MACROD2: variants seen among roughly 807,000 people sequenced by gnomAD.
MACROD2 encodes ADP-ribose glycohydrolase MACROD2.
In MACROD2, 36 loss-of-function variants were observed where a neutral mutation model predicts 70.4. The observed-to-expected ratio is 0.51, with a 90% confidence interval of 0.39 to 0.68. The LOEUF (loss-of-function observed/expected upper bound fraction) is 0.68. Ranked by LOEUF, MACROD2 falls within the 30% of genes least tolerant of loss-of-function variation. The pLI is 0.00. For synonymous variants in MACROD2, 172 were observed against 178.8 expected, an observed-to-expected ratio of 0.96 and a Z score of 0.30; for missense variants, 496 against 538.4, an observed-to-expected ratio of 0.92 and a Z score of 0.78.
At chr20:15,346,083 C>A (rs969538200) in intron 6 of MACROD2, among the ~76,000 whole-genome samples, 10 of 148,876 alleles carry the variant, frequency 6.7e-5, no homozygotes, top group African/African-American at 2.5e-4. Context: ...AATCAGAGGT[C>A]ACGAGGCCTG....
At chr20:14,401,148 G>T (rs907048013) in intron 3 of MACROD2, among the ~76,000 whole-genome samples, 2 of 152,126 alleles carry the variant, frequency 1.3e-5, no homozygotes, top group Admixed American at 1.3e-4. Context: ...CTGAGTATAC[G>T]TGTAGTCTAG....
At chr20:15,626,183 G>GA (rs1272065550) in intron 8 of MACROD2, among the ~76,000 whole-genome samples, 4 of 152,168 alleles carry the variant, frequency 2.6e-5, no homozygotes, top group African/African-American at 9.6e-5. Context: ...ATCTTCACTG[G>GA]AAAAAATCCA....
chr20:16,019,318 T>C (rs1294435357), intron 15 of MACROD2, among the ~76,000 whole-genome samples: 1 of 152,196 alleles, frequency 6.6e-6, no homozygotes, highest in Non-Finnish European at 1.5e-5. Context: ...CGGGTTTGCA[T>C]CTGAGGAGCC....
chr20:14,251,273 G>A (rs548668030), intron 3 of MACROD2, among the ~76,000 whole-genome samples: 49 of 152,154 alleles, frequency 3.2e-4, no homozygotes, highest in Non-Finnish European at 5.1e-4. Context: ...GAAAACGTTC[G>A]ATAAAAGTAC....
intron 8 of MACROD2, among the ~76,000 whole-genome samples, chr20:15,817,700 C>A (rs1200827687): frequency 6.6e-6 from 1 of 152,134 alleles, no homozygotes; most frequent in African/African-American, 2.4e-5. Context: ...CCTGGATCAC[C>A]ACCACACCCT....
chr20:15,914,274 T>A (rs1169633069), intron 10 of MACROD2, among the ~76,000 whole-genome samples: 1 of 152,244 alleles, frequency 6.6e-6, no homozygotes, highest in Non-Finnish European at 1.5e-5. Flanking sequence ...GCAATTTCTG[T>A]TGTCCTTATT....
intron 7 of MACROD2, among the ~76,000 whole-genome samples, chr20:15,490,074 T>C (rs1451584238): frequency 2.6e-5 from 4 of 152,106 alleles, no homozygotes; most frequent in Non-Finnish European, 5.9e-5. Flanking sequence ...CTGGGTTATA[T>C]TGAGTCTATT....
At chr20:15,950,577 T>C (rs1336996249) in intron 12 of MACROD2, among the ~76,000 whole-genome samples, 2 of 152,140 alleles carry the variant, frequency 1.3e-5, no homozygotes, top group Admixed American at 6.6e-5. Context: ...ATGACAATAG[T>C]TCATGTAGAA....
At chr20:15,710,685 A>AT (rs1001416012) in intron 8 of MACROD2, among the ~76,000 whole-genome samples, 7 of 152,142 alleles carry the variant, frequency 4.6e-5, no homozygotes, top group East Asian at 1.9e-4. Context: ...CACACAAAAC[A>AT]TTTTTTTTGA....
At chr20:14,274,864 G>A (rs571089172) in intron 3 of MACROD2, among the ~76,000 whole-genome samples, 10 of 150,654 alleles carry the variant, frequency 6.6e-5, no homozygotes, top group African/African-American at 2.4e-4. Context: ...CAGACAAACA[G>A]AGAGCCAAAT....
chr20:15,273,822 A>G (rs2077367194), intron 6 of MACROD2, among the ~76,000 whole-genome samples: 1 of 152,134 alleles, frequency 6.6e-6, no homozygotes, highest in Admixed American at 6.5e-5. Context: ...TTCCCCATCT[A>G]ATAACTACAA....
chr20:15,273,454 T>C (rs1281789556), intron 6 of MACROD2, among the ~76,000 whole-genome samples: 1 of 152,128 alleles, frequency 6.6e-6, no homozygotes, highest in African/African-American at 2.4e-5. Flanking sequence ...TATACATATA[T>C]GTTCTGTCCC....
At chr20:15,266,850 G>T (rs1490778649) in intron 6 of MACROD2, among the ~76,000 whole-genome samples, 1 of 152,116 alleles carries the variant, frequency 6.6e-6, no homozygotes, top group Non-Finnish European at 1.5e-5. Context: ...ACCTAAATAG[G>T]GTACTCTGCT....
intron 5 of MACROD2, among the ~76,000 whole-genome samples, chr20:14,788,472 G>A (rs993356336): frequency 4.7e-5 from 7 of 150,364 alleles, no homozygotes; most frequent in South Asian, 2.1e-4. Flanking sequence ...TGTATTCCCA[G>A]CTACTCCGGA....
intron 7 of MACROD2, among the ~76,000 whole-genome samples, chr20:15,494,564 C>T (rs1313672701): frequency 1.3e-5 from 2 of 151,794 alleles, no homozygotes; most frequent in African/African-American, 2.4e-5. Context: ...AAAATATAGA[C>T]AAAAAAGAAC....
intron 8 of MACROD2, among the ~76,000 whole-genome samples, chr20:15,617,999 G>A (rs2049062172): frequency 6.6e-6 from 1 of 152,024 alleles, no homozygotes; most frequent in African/African-American, 2.4e-5. Context: ...GAGTGAAACA[G>A]GGCAGGTAGG....
intron 8 of MACROD2, among the ~76,000 whole-genome samples, chr20:15,707,859 GA>G (rs962470786): frequency 5.9e-5 from 9 of 151,932 alleles, no homozygotes; most frequent in African/African-American, 2.2e-4. Context: ...AGTGTGATAA[GA>G]AAGATGAGAA....
At chr20:15,840,712 T>C (rs539919307) in intron 8 of MACROD2, among the ~76,000 whole-genome samples, 9 of 152,240 alleles carry the variant, frequency 5.9e-5, no homozygotes, top group African/African-American at 1.4e-4. Context: ...TGTATAAATT[T>C]CTTAAACTAG....
intron 5 of MACROD2, among the ~76,000 whole-genome samples, chr20:15,212,717 G>T (rs983242774): frequency 6.6e-6 from 1 of 152,152 alleles, no homozygotes; most frequent in Non-Finnish European, 1.5e-5. Context: ...ATCAGTGATG[G>T]GTAAAATTTT....
Sources: allele counts gnomAD v4.1 joint callset (sites outside exome capture counted in the v4.1 genomes callset), GRCh38; gene constraint gnomAD v4.1.1; transcripts MANE v1.5; gene names NCBI Gene and HGNC (gene_info 2026-07-23, HGNC 2026-07-21).